The following HNRNPL variants were observed in gnomAD, a reference collection of about 807,000 sequenced individuals.
HNRNPL encodes heterogeneous nuclear ribonucleoprotein L, also known as epididymis secretory sperm binding protein.
In HNRNPL, 12 loss-of-function variants were observed where a neutral mutation model predicts 64.0. The ratio of observed to expected loss-of-function variants is 0.19; its 90% CI spans 0.12 to 0.30. The LOEUF is 0.30. HNRNPL is among the 10% of genes least tolerant of loss of function. HNRNPL has a pLI of 1.00. For synonymous variants in HNRNPL, 385 were observed against 313.0 expected (o/e 1.23, Z -2.43); for missense variants, 484 against 797.4 (o/e 0.61, Z 4.73).
intron 1 of HNRNPL, 181 bp from the exon 2 acceptor site, chr19:38,847,615 G>A: frequency 2.7e-6 from 1 of 371,252 alleles, no homozygotes; most frequent in South Asian, 1.0e-4. Flanking sequence ...TGGGTCAGCA[G>A]AACAGTGGTC....
At chr19:38,848,824 G>A (rs936453267) in intron 1 of HNRNPL, among the ~76,000 whole-genome samples, 1 of 152,192 alleles carries the variant, frequency 6.6e-6, no homozygotes, top group Non-Finnish European at 1.5e-5. Context: ...TTTCAATTAA[G>A]ATGTCTTTAA....
At chr19:38,848,616 G>C (rs1053116652) in intron 1 of HNRNPL, among the ~76,000 whole-genome samples, 1 of 152,190 alleles carries the variant, frequency 6.6e-6, no homozygotes, top group African/African-American at 2.4e-5. Flanking sequence ...TTTCAGGAGC[G>C]ATCCACGCGA....
At position 38,837,413 on chromosome 19, in the gene HNRNPL, A is replaced by T; in HGVS notation, c.1682T>A (p.Phe561Tyr). ...GTTTTTCATCTGGTAATGGTTCAGGAAGCCCAGAGTCTCCAGGGCATCGCT... is the reference window on the plus strand; with the variant it reads ...GTTTTTCATCTGGTAATGGTTCAGGTAGCCCAGAGTCTCCAGGGCATCGCT... ...SKSDALETLG[F>Y]LNHYQMKNPN... is the part of the protein sequence containing the mutation. Residue 561 changes from phenylalanine (F) to tyrosine (Y), a missense_variant, in exon 12 of 13, where the codon TTC becomes TAC. Physicochemically the swap from Phe to Tyr is conservative, Grantham distance 22. Around this residue, in one of 9 missense-constraint regions of HNRNPL, gnomAD observed 69 missense variants for 91.8 expected, o/e 0.75. Coordinates refer to ENST00000221419, the MANE Select transcript of HNRNPL (RefSeq NM_001533.3). 6.2e-7 allele frequency: 1 copy of T among 1,614,198 alleles called. No individual in the cohort carries two copies. The highest frequency in any genetic ancestry group is 2.2e-5 in the East Asian group (1 of 44,886).
chr19:38,847,476 C>A (rs762500561), intron 1 of HNRNPL, 42 bp from the exon 2 acceptor site: 15 of 1,256,652 alleles, frequency 1.2e-5, no homozygotes, highest in Non-Finnish European at 2.2e-6. Flanking sequence ...TCTTGCTGTA[C>A]AAGATGACGC....
Position 38,837,661 on chromosome 19 carries a change from A to C in HNRNPL, c.1558-10T>G. The C allele has an allele frequency of 6.2e-7, 1 of 1,613,946 alleles. No homozygotes were observed. ...CCAGCTCATCGCAGATCTGCAAAAG[A>C]AAACAGGTAGTAAATGAACTCTGAA... On this transcript the variant is annotated splice_polypyrimidine_tract_variant and intron_variant, in intron 10 of 12. Coordinates refer to ENST00000221419, the MANE Select transcript of HNRNPL (RefSeq NM_001533.3).
chr19:38,849,637 C>T (rs943160661), intron 1 of HNRNPL, 63 bp downstream of exon 1: 25 of 1,305,862 alleles, frequency 1.9e-5, no homozygotes, highest in African/African-American at 3.1e-5. Flanking sequence ...AATAAAATGC[C>T]CTCAAGCTGG....
intron 1 of HNRNPL, chr19:38,849,385 AGG>A (rs954431719): frequency 3.3e-6 from 1 of 307,536 alleles, no homozygotes; most frequent in African/African-American, 2.2e-5. Context: ...AAAATGATAA[AGG>A]GGAAAAAAAC....
At chr19:38,851,792 G>C (rs904771951), upstream of HNRNPL, among the ~76,000 whole-genome samples, 11 of 152,318 alleles carry the variant, frequency 7.2e-5, no homozygotes, top group African/African-American at 2.6e-4. Context: ...CAATACAAGA[G>C]GGGACAGGCC....
chr19:38,836,727 A>C lies in HNRNPL; in HGVS notation c.1765T>G (p.Ser589Ala). Residue 589 changes from serine to alanine, a missense_variant, in exon 13 of 13, where the codon TCC becomes GCC. Transcript: ENST00000221419. ...GACTCTTCCTAGGCACCTAATTAGG[A>C]GGCGTGCTGAGCAGTGGAGAAACAC... Reference protein sequence around the residue: ...KLCFSTAQHAS With the variant: ...KLCFSTAQHAA The C allele has an allele frequency of 6.2e-7, 1 of 1,607,386 alleles. No individual in the cohort carries two copies.
upstream of HNRNPL, among the ~76,000 whole-genome samples, chr19:38,850,579 A>G (rs1972477201): frequency 1.3e-5 from 2 of 152,220 alleles, no homozygotes; most frequent in Admixed American, 6.5e-5. Context: ...TTGGTGCAGT[A>G]TACGAAACGA....
rs776248947 is a variant in HNRNPL, at chr19:38,836,957, CCTT to C, written c.1712-180_1712-178del. 2.9e-4 allele frequency: 165 copies of C among 564,018 alleles called. No homozygotes were observed. In the East Asian group the frequency reaches 4.7e-3, roughly 16 times the overall value. 34.9% of individuals were successfully genotyped at this position (564,018 alleles called of 1,614,324 possible). ...ATTACCAATTATGCACGGCGTTTCTCCTTCTCTTCCTTCATTCCCATAGAGAAT... is the reference window on the plus strand; with the variant it reads ...ATTACCAATTATGCACGGCGTTTCTCCTCTTCCTTCATTCCCATAGAGAAT... On this transcript the variant is annotated intron_variant, in intron 12 of 12. Coordinates refer to ENST00000221419, the MANE Select transcript of HNRNPL (RefSeq NM_001533.3).
chr19:38,838,623 C>T (rs1202096790), intron 9 of HNRNPL, 25 bp from the exon 10 acceptor site: 3 of 1,604,344 alleles, frequency 1.9e-6, no homozygotes, highest in Non-Finnish European at 2.6e-6. Context: ...AAAGGGGAGC[C>T]TTTGTCATAC....
At chr19:38,839,700 C>T (rs1972046221) in intron 8 of HNRNPL, 1 of 207,434 alleles carries the variant, frequency 4.8e-6, no homozygotes, top group South Asian at 6.7e-5. Flanking sequence ...CAGGTAGACA[C>T]TCAGCCACCG....
intron 1 of HNRNPL, 81 bp downstream of exon 1, chr19:38,849,619 C>A: frequency 7.7e-7 from 1 of 1,292,326 alleles, no homozygotes; most frequent in African/African-American, 1.5e-5. Flanking sequence ...CAGAGGCCCC[C>A]CTCAAAAAAT....
chr19:38,836,480 T>C lies in HNRNPL; in HGVS notation c.*242A>G. ...GAACAGGAAAAAAAAAAATCACATG[T>C]ACAATAATTTTTTAAAAGTGAAGGT... On this transcript the variant is annotated 3_prime_UTR_variant, in exon 13 of 13. Coordinates refer to ENST00000221419, the MANE Select transcript of HNRNPL (RefSeq NM_001533.3). The C allele has an allele frequency of 2.7e-6, 1 of 372,890 alleles. No homozygotes were observed. Among genetic ancestry groups the C allele is most frequent in the Non-Finnish European group, 4.8e-6 (1 of 207,480 alleles). The allele number at this position is 372,890 out of a possible 1,614,324, so 23.1% of individuals were successfully genotyped here.
upstream of HNRNPL, chr19:38,850,228 A>G (rs1972465979): frequency 2.5e-6 from 1 of 393,564 alleles, no homozygotes; most frequent in Non-Finnish European, 4.5e-6. Context: ...ATCCAATTTG[A>G]TAGGTCGGAT....
At chr19:38,840,397 A>G in intron 7 of HNRNPL, 21 bp from the exon 8 acceptor site, 1 of 1,565,416 alleles carries the variant, frequency 6.4e-7, no homozygotes, top group Middle Eastern at 1.8e-4. Context: ...GGAAGGAAAG[A>G]GAGGGAGGAC....
At chr19:38,843,661 G>A (rs1337682932) in intron 6 of HNRNPL, 181 bp downstream of exon 6, 2 of 606,832 alleles carry the variant, frequency 3.3e-6, no homozygotes, top group South Asian at 2.0e-5. Context: ...CAGCAGTGAA[G>A]ACCCATGGAG....
chr19:38,842,800 C>T (rs951366835), intron 6 of HNRNPL, among the ~76,000 whole-genome samples: 4 of 152,148 alleles, frequency 2.6e-5, no homozygotes, highest in African/African-American at 4.8e-5. Context: ...AACCAATGCA[C>T]AGCCAGCCCC....
Sources: allele counts gnomAD v4.1 joint callset (sites outside exome capture counted in the v4.1 genomes callset), GRCh38; gene constraint gnomAD v4.1.1; regional missense constraint gnomAD v4.1.1; transcripts MANE v1.5; gene names NCBI Gene and HGNC (gene_info 2026-07-23, HGNC 2026-07-21).